The following SGCD variants were observed in gnomAD, a reference collection of about 807,000 sequenced individuals.
The protein encoded by SGCD is sarcoglycan delta, also known as delta-sarcoglycan.
Under a neutral mutation model 36.6 loss-of-function variants are expected in SGCD, and 18 were observed. The observed-to-expected ratio is 0.49, with a 90% CI of 0.34 to 0.73. SGCD has a LOEUF of 0.73. SGCD is among the 30% of genes least tolerant of loss of function. The pLI, the probability that SGCD is intolerant of heterozygous loss-of-function variation, is 0.01. For synonymous variants in SGCD, 133 were observed against 130.6 expected, an observed-to-expected ratio of 1.02 and a Z score of -0.12; for missense variants, 387 against 346.7, an observed-to-expected ratio of 1.12 and a Z score of -0.92.
At chr5:155,839,314 G>A in the SGCD span, among the ~76,000 whole-genome samples, 2 of 152,138 alleles carry the variant, frequency 1.3e-5, no homozygotes, top group Non-Finnish European at 2.9e-5. Context: ...TAGACCTAAA[G>A]TTACATATGG....
intron 7 of SGCD, among the ~76,000 whole-genome samples, chr5:156,675,244 A>G (rs1404091191): frequency 1.3e-5 from 2 of 152,220 alleles, no homozygotes. Context: ...GAATTAAATG[A>G]CATAATACAT....
chr5:155,801,870 T>A, the SGCD span, among the ~76,000 whole-genome samples: 5 of 152,222 alleles, frequency 3.3e-5, no homozygotes, highest in East Asian at 9.6e-4. Context: ...CTGTTACTTG[T>A]CTGGAAGATC....
intron 8 of SGCD, chr5:156,758,031 T>C: frequency 9.1e-7 from 1 of 1,101,006 alleles, no homozygotes. Flanking sequence ...TTAAGCTGTA[T>C]ATATTATACA....
chr5:156,534,537 C>G (rs894402008), intron 4 of SGCD, among the ~76,000 whole-genome samples: 5 of 152,194 alleles, frequency 3.3e-5, no homozygotes, highest in Non-Finnish European at 1.5e-5. Context: ...CAGGAAGGTC[C>G]TCCCTAGTTC....
At chr5:155,938,950 G>T (rs970001729) in intron 1 of SGCD, among the ~76,000 whole-genome samples, 2 of 152,170 alleles carry the variant, frequency 1.3e-5, no homozygotes, top group Non-Finnish European at 2.9e-5. Flanking sequence ...CTTGTCATCA[G>T]CATTACCATT....
chr5:156,185,845 A>ATGTGTGTGTGTG (rs376393608), intron 3 of SGCD, among the ~76,000 whole-genome samples: 17 of 50,304 alleles, frequency 3.4e-4, no homozygotes, highest in African/African-American at 1.1e-3. Context: ...ATATATATAT[A>ATGTGTGTGTGTG]TATATAGAGA....
chr5:156,048,392 C>T lies in SGCD; in HGVS notation c.-281-69486C>T, dbSNP rs538937891. Among the ~76,000 whole-genome samples the T allele has an allele frequency of 1.8e-4, 28 of 152,174 alleles. 1 individual carries two copies. The South Asian group carries it at 4.8e-3, about 26-fold the overall frequency. ...TTCTAGTTCTAGATCCCTGAGGAAT[C>T]GCCACACTGACTTCCACAATGGTTG... On this transcript the variant is annotated intron_variant, in intron 1 of 9. Coordinates refer to the SGCD transcript ENST00000517913.
At chr5:156,185,864 G>C (rs879794541) in intron 3 of SGCD, among the ~76,000 whole-genome samples, 10 of 50,372 alleles carry the variant, frequency 2.0e-4, no homozygotes, top group African/African-American at 3.9e-4. Context: ...GAGAGAGAGA[G>C]AGAGAGAGAG....
intron 1 of SGCD, among the ~76,000 whole-genome samples, chr5:155,894,889 C>T (rs997046996): frequency 2.6e-5 from 4 of 152,028 alleles, no homozygotes; most frequent in Non-Finnish European, 5.9e-5. Context: ...ACACGATAAA[C>T]GTAATGTGCT....
At chr5:156,363,724 C>T (rs775934688) in intron 3 of SGCD, among the ~76,000 whole-genome samples, 5 of 152,174 alleles carry the variant, frequency 3.3e-5, no homozygotes, top group Non-Finnish European at 5.9e-5. Flanking sequence ...TATGCCTTCA[C>T]TTTTGATTGG....
chr5:156,354,219 T>C (rs1029747056), intron 3 of SGCD, among the ~76,000 whole-genome samples: 2 of 152,212 alleles, frequency 1.3e-5, no homozygotes, highest in Admixed American at 6.5e-5. Context: ...GGAAGGCTTC[T>C]TGAGTTGTGT....
chr5:155,800,267 T>C, the SGCD span, among the ~76,000 whole-genome samples: 78 of 152,332 alleles, frequency 5.1e-4, no homozygotes, highest in African/African-American at 1.6e-3. Flanking sequence ...CTGTATCCTC[T>C]TTTATTCATC....
At chr5:156,356,512 A>G (rs1162781491) in intron 3 of SGCD, among the ~76,000 whole-genome samples, 2 of 152,226 alleles carry the variant, frequency 1.3e-5, no homozygotes, top group Non-Finnish European at 2.9e-5. Context: ...AACCAGACTC[A>G]GAAGTCAGAT....
intron 1 of SGCD, among the ~76,000 whole-genome samples, chr5:155,929,549 T>G (rs1757059900): frequency 6.6e-6 from 1 of 152,092 alleles, no homozygotes; most frequent in Non-Finnish European, 1.5e-5. Flanking sequence ...TAGAGTAGCC[T>G]CTCTCACTAA....
intron 3 of SGCD, among the ~76,000 whole-genome samples, chr5:156,497,684 T>G (rs1756259746): frequency 1.3e-5 from 2 of 151,858 alleles, no homozygotes; most frequent in African/African-American, 2.4e-5. Context: ...CTAACCAATA[T>G]ATGAGCTTTA....
Position 156,759,909 on chromosome 5 carries a change from G to T in SGCD, c.*519G>T. The T allele has an allele frequency of 6.6e-6, 1 of 152,244 alleles. No individual in the cohort carries two copies. The highest frequency in any genetic ancestry group is 1.5e-5 in the Non-Finnish European group (1 of 68,032). The allele number at this position is 152,244 out of a possible 1,614,324, so 9.4% of individuals were successfully genotyped here. A position where few individuals can be genotyped will look rare whatever the true frequency, so the allele number is the denominator to read the frequency against. On this transcript the variant is annotated 3_prime_UTR_variant, in exon 9 of 9. Coordinates refer to ENST00000337851, the MANE Select transcript of SGCD (RefSeq NM_000337.6). ...GATTTCCTGTTTTAGCTTTAGTAAG[G>T]CTGGCTAACTTCCCCCTCTTCAAGC...
intron 3 of SGCD, among the ~76,000 whole-genome samples, chr5:156,439,121 C>T (rs137940621): frequency 1.2e-3 from 177 of 152,220 alleles, no homozygotes; most frequent in African/African-American, 2.7e-3. Context: ...TTGATAGAGA[C>T]GTGAGACTGC....
chr5:156,736,775 T>C (rs1756391197), intron 7 of SGCD, among the ~76,000 whole-genome samples: 1 of 152,238 alleles, frequency 6.6e-6, no homozygotes, highest in South Asian at 2.1e-4. Context: ...GAAAGCATCG[T>C]TGGTGTTCAC....
chr5:156,332,268 TTTTG>T (rs1768106214), intron 2 of SGCD, among the ~76,000 whole-genome samples: 1 of 152,188 alleles, frequency 6.6e-6, no homozygotes, highest in Non-Finnish European at 1.5e-5. Flanking sequence ...CAAAGTGTTT[TTTTG>T]TTTGTTTGTT....
Sources: allele counts gnomAD v4.1 joint callset (sites outside exome capture counted in the v4.1 genomes callset), GRCh38; gene constraint gnomAD v4.1.1; transcripts MANE v1.5; gene names NCBI Gene and HGNC (gene_info 2026-07-23, HGNC 2026-07-21).